POLA2: variants seen among roughly 807,000 people sequenced by gnomAD.
POLA2 encodes DNA polymerase alpha subunit B.
POLA2 carries 47 observed loss-of-function variants against 82.8 expected under a neutral mutation model. That is an observed-to-expected ratio of 0.57 (90% CI 0.45 to 0.72). The LOEUF (loss-of-function observed/expected upper bound fraction) is 0.72, where lower values mean the gene tolerates loss of function less well. Ranked by LOEUF, POLA2 falls within the 30% of genes least tolerant of loss-of-function variation. The pLI, the probability that POLA2 is intolerant of heterozygous loss-of-function variation, is 0.00. For synonymous variants in POLA2, 287 were observed against 286.8 expected (o/e 1.00, Z -0.01); for missense variants, 634 against 728.1 (o/e 0.87, Z 1.49).
intron 1 of POLA2, among the ~76,000 whole-genome samples, chr11:65,265,844 G>A (rs1041650520): frequency 6.6e-6 from 1 of 152,120 alleles, no homozygotes; most frequent in Non-Finnish European, 1.5e-5. Context: ...CATCCTCAGA[G>A]GCCCTAAGGC....
intron 4 of POLA2, among the ~76,000 whole-genome samples, chr11:65,270,976 T>A (rs1178118153): frequency 6.6e-6 from 1 of 152,222 alleles, no homozygotes; most frequent in African/African-American, 2.4e-5. Context: ...CCTGCTCCCC[T>A]TTGCTCTCTG....
At chr11:65,281,562 T>C (rs768964950) in intron 8 of POLA2, 108 bp from the exon 9 acceptor site, 5 of 796,176 alleles carry the variant, frequency 6.3e-6, no homozygotes, top group Non-Finnish European at 6.5e-6. Flanking sequence ...AAGTTTATGA[T>C]TACAGAATGA....
At position 65,279,555 on chromosome 11, in the gene POLA2, G is replaced by T; in HGVS notation, c.673G>T (p.Glu225Ter). The change falls in exon 7 of 18, where the codon GAA becomes TAA. Residue 225 changes from glutamate (E) to a stop codon, truncating the protein, a stop_gained. Transcript: ENST00000265465. LOFTEE classifies it high-confidence loss of function. ...DIREVLTCKI[E>*]ELGSELKEHY... ...GATTGTAGTTCTGACCTGTAAGATA[G>T]AAGAACTTGGCAGCGAACTCAAGGA... 1 of 1,612,624 alleles carries T rather than the reference G, an allele frequency of 6.2e-7. No homozygotes were observed. The highest frequency in any genetic ancestry group is 8.5e-7 in the Non-Finnish European group (1 of 1,178,926).
At position 65,267,443 on chromosome 11, in the gene POLA2, T is replaced by C. The variant is rs1949473126; in HGVS notation, c.205-34T>C. 4 of 1,323,626 alleles carry C rather than the reference T, an allele frequency of 3.0e-6. No homozygotes were observed. In the South Asian group the frequency reaches 4.9e-5, roughly 16 times the overall value. 82.0% of individuals were successfully genotyped at this position (1,323,626 alleles called of 1,614,324 possible). ...AAACACCTCTGCTATTACTTGACTA[T>C]GAAGTACTGTATTCACTATCTTTTC... On this transcript the variant is annotated intron_variant, in intron 2 of 17. Transcript: ENST00000265465.
intron 10 of POLA2, among the ~76,000 whole-genome samples, chr11:65,287,183 G>A (rs1050751461): frequency 3.3e-5 from 5 of 152,120 alleles, no homozygotes; most frequent in Admixed American, 3.3e-4. Flanking sequence ...GAAAGCAGCT[G>A]CTGTTAGGAA....
Position 65,266,703 on chromosome 11 carries a change from T to C in POLA2, c.201T>C (p.His67=). The part of the protein sequence containing the change: ...LTSEILNSFE[H]EFLSKRLSKA... Reference sequence around the variant, plus strand: ...CAGAGATCCTGAACTCTTTTGAGCATGAGGTAAGAACAAAATGAAAGCAAA... The same window carrying C: ...CAGAGATCCTGAACTCTTTTGAGCACGAGGTAAGAACAAAATGAAAGCAAA... The change falls in exon 2 of 18, where the codon CAT becomes CAC. Residue 67 remains histidine (H), a synonymous_variant. Coordinates refer to ENST00000265465, the MANE Select transcript of POLA2 (RefSeq NM_002689.4). 2 of 1,614,084 alleles carry C rather than the reference T, an allele frequency of 1.2e-6. No homozygotes were observed. The highest frequency in any genetic ancestry group is 1.7e-6 in the Non-Finnish European group (2 of 1,179,962).
chr11:65,289,048 A>G lies in POLA2; in HGVS notation c.1132-2A>G, dbSNP rs778558308. 1 of 1,592,246 alleles carries G rather than the reference A, an allele frequency of 6.3e-7. No homozygotes were observed. The highest frequency in any genetic ancestry group is 8.6e-7 in the Non-Finnish European group (1 of 1,167,032). On this transcript the variant is annotated splice_acceptor_variant, in intron 11 of 17. Transcript: ENST00000265465. LOFTEE classifies it high-confidence loss of function. ...TTGGTGTCTTTGTTTCTCCCCTTGC[A>G]GTTTGGCCCTTTCCTGGATGCTAAG...
intron 8 of POLA2, among the ~76,000 whole-genome samples, chr11:65,304,422 CCCATCCACCCAA>C (rs1476572842): frequency 0.018 from 2,583 of 144,870 alleles, 65 homozygotes; most frequent in African/African-American, 0.064. Flanking sequence ...CATCAACCCA[CCCATCCACCCAA>C]CCATCCACCC....
Position 65,294,137 on chromosome 11 carries a change from T to C in POLA2, c.1245-16T>C. 1 of 1,602,358 alleles carries C rather than the reference T, an allele frequency of 6.2e-7. No individual in the cohort carries two copies. Among genetic ancestry groups the C allele is most frequent in the Non-Finnish European group, 8.5e-7 (1 of 1,173,042 alleles). On this transcript the variant is annotated splice_polypyrimidine_tract_variant and intron_variant, in intron 13 of 17. Transcript: ENST00000265465. ...TCACTTTTCTCACTCTTCTGTTTGT[T>C]CTTTTGCCATACTAGCTCCGGCTCC...
downstream of POLA2, among the ~76,000 whole-genome samples, chr11:65,303,342 C>CA (rs917292541): frequency 0.068 from 3,481 of 51,218 alleles, 144 homozygotes; most frequent in African/African-American, 0.18. Flanking sequence ...ACTCTGTCTC[C>CA]AAAAAAAAAA....
chr11:65,303,751 C>T (rs539921155), intron 8 of POLA2, among the ~76,000 whole-genome samples: 7 of 152,290 alleles, frequency 4.6e-5, no homozygotes, highest in African/African-American at 1.4e-4. Context: ...GAAACTCCTG[C>T]AGAAGCAGTG....
At chr11:65,269,987 A>G (rs1400201983) in intron 4 of POLA2, among the ~76,000 whole-genome samples, 6 of 152,114 alleles carry the variant, frequency 3.9e-5, no homozygotes, top group Admixed American at 3.9e-4. Context: ...ATGCGCCACT[A>G]CGGCCAGCTA....
chr11:65,286,332 C>T (rs1289947620), intron 10 of POLA2, among the ~76,000 whole-genome samples: 2 of 152,124 alleles, frequency 1.3e-5, no homozygotes, highest in Non-Finnish European at 2.9e-5. Flanking sequence ...ACAGGAGGAA[C>T]TCAGCCCTGC....
Position 65,265,427 on chromosome 11 carries a change from A to AT in POLA2, c.80-1149dup, listed in dbSNP as rs1309065456. 1.2e-4 allele frequency among the ~76,000 whole-genome samples: 18 copies of AT among 152,122 alleles called. No individual in the cohort carries two copies. In the East Asian group the frequency reaches 3.1e-3, roughly 26 times the overall value. On this transcript the variant is annotated intron_variant, in intron 1 of 17. Transcript: ENST00000265465. ...GCACCGGCACTTGACACTGTTTGTC[A>AT]TTTTTTCTTTTTTTAAACACATTTT...
chr11:65,267,663 G>A, intron 3 of POLA2, 95 bp downstream of exon 3: 1 of 763,802 alleles, frequency 1.3e-6, no homozygotes, highest in Non-Finnish European at 2.1e-6. Context: ...CAAATAATAA[G>A]GCCGGGCACG....
At position 65,262,309 on chromosome 11, in the gene POLA2, A is replaced by G. The variant is rs756298523; in HGVS notation, c.17A>G (p.Gln6Arg). ...TGGGCGACCATGTCCGCATCCGCCC[A>G]GCAGCTGGCGGAGGAGCTGCAGATC... Reference protein sequence around the residue: MSASAQQLAEELQIFG... With the variant: MSASARQLAEELQIFG... The change falls in exon 1 of 18, where the codon CAG (glutamine) becomes CGG (arginine). Residue 6 changes from glutamine to arginine, a missense_variant. Physicochemically the swap from Gln to Arg is conservative, Grantham distance 43. Transcript: ENST00000265465. 3.7e-6 allele frequency: 6 copies of G among 1,613,364 alleles called. No homozygotes were observed. The South Asian group carries it at 6.6e-5, about 18-fold the overall frequency.
intron 13 of POLA2, among the ~76,000 whole-genome samples, chr11:65,293,400 A>C (rs534554262): frequency 6.6e-6 from 1 of 152,258 alleles, no homozygotes; most frequent in Admixed American, 6.5e-5. Context: ...ACTTGAGGCC[A>C]GGAGTTTGAG....
intron 5 of POLA2, among the ~76,000 whole-genome samples, chr11:65,276,517 T>A (rs754973441): frequency 1.3e-5 from 2 of 152,188 alleles, no homozygotes; most frequent in Non-Finnish European, 2.9e-5. Flanking sequence ...TGCCCTGACT[T>A]AATTGGTATT....
downstream of POLA2, among the ~76,000 whole-genome samples, chr11:65,301,329 CCCCTGTGCCTCA>C (rs1391160382): frequency 6.6e-6 from 1 of 152,114 alleles, no homozygotes; most frequent in Non-Finnish European, 1.5e-5. Context: ...TGCCTCCCAC[CCCCTGTGCCTCA>C]CCCTGACCAC....
Sources: allele counts gnomAD v4.1 joint callset (sites outside exome capture counted in the v4.1 genomes callset), GRCh38; gene constraint gnomAD v4.1.1; transcripts MANE v1.5; gene names NCBI Gene and HGNC (gene_info 2026-07-23, HGNC 2026-07-21).